The following NSMCE2 variants were observed in gnomAD, a reference collection of about 807,000 sequenced individuals.
NSMCE2 encodes the protein NSE2 SUMO ligase component of SMC5/6 complex, also known as E3 SUMO-protein ligase NSE2.
A neutral mutation model predicts 23.8 loss-of-function variants in NSMCE2; 24 were observed. That is an observed-to-expected ratio of 1.01 (90% CI 0.73 to 1.42). The LOEUF is 1.42. Ranked by LOEUF, NSMCE2 falls within the 40% of genes most tolerant of loss-of-function variation. NSMCE2 has a pLI of 0.00. For synonymous variants in NSMCE2, 92 were observed against 94.1 expected, an observed-to-expected ratio of 0.98 and a Z score of 0.13; for missense variants, 284 against 296.5, an observed-to-expected ratio of 0.96 and a Z score of 0.31.
intron 5 of NSMCE2, among the ~76,000 whole-genome samples, chr8:125,187,052 T>G (rs920457060): frequency 6.6e-6 from 1 of 152,184 alleles, no homozygotes; most frequent in African/African-American, 2.4e-5. Context: ...TTACCAAGAT[T>G]AAATGAGATA....
intron 5 of NSMCE2, among the ~76,000 whole-genome samples, chr8:125,289,503 T>TA (rs1828028433): frequency 6.6e-6 from 1 of 152,208 alleles, no homozygotes; most frequent in African/African-American, 2.4e-5. Flanking sequence ...GCAGGGTACT[T>TA]ATCAGAGGGC....
chr8:125,102,340 C>G lies in NSMCE2; in HGVS notation c.10C>G (p.Arg4Gly). The G allele has an allele frequency of 1.2e-6, 2 of 1,613,252 alleles. No homozygotes were observed. Among genetic ancestry groups the G allele is most frequent in the Non-Finnish European group, 8.5e-7 (1 of 1,179,328 alleles). Residue 4 changes from arginine to glycine, a missense_variant, in exon 3 of 8, where the codon CGT becomes GGT. Around this residue, in one of 2 missense-constraint regions of NSMCE2, gnomAD observed 182 missense variants for 155.5 expected, o/e 1.17. Transcript: ENST00000287437. The part of the protein sequence containing the change: MPG[R>G]SSSNSGSTGF... ...AGGTACTAATTTCAAGATGCCAGGA[C>G]GTTCCAGTTCAAATTCAGGTTCAAC...
At chr8:125,334,772 C>CTTTTTTTT (rs34213706) in intron 5 of NSMCE2, among the ~76,000 whole-genome samples, 3 of 55,880 alleles carry the variant, frequency 5.4e-5, no homozygotes, top group East Asian at 6.0e-4. Flanking sequence ...AGTATCTTTT[C>CTTTTTTTT]TTTTTTTTTT....
chr8:125,256,958 A>T (rs1411839384), intron 5 of NSMCE2, among the ~76,000 whole-genome samples: 1 of 128,234 alleles, frequency 7.8e-6, no homozygotes, highest in Non-Finnish European at 1.6e-5. Context: ...AAAAAAAAAA[A>T]AGAGGGCTGA....
chr8:125,155,693 G>A (rs1821270009), intron 4 of NSMCE2, among the ~76,000 whole-genome samples: 2 of 152,140 alleles, frequency 1.3e-5, no homozygotes, highest in African/African-American at 4.8e-5. Context: ...CTGATTATAT[G>A]TTTATGATTG....
intron 5 of NSMCE2, among the ~76,000 whole-genome samples, chr8:125,192,942 A>G (rs1823423873): frequency 6.6e-6 from 1 of 152,158 alleles, no homozygotes; most frequent in Admixed American, 6.5e-5. Flanking sequence ...CTTTAAGGAG[A>G]TGTTCTGAAG....
intron 4 of NSMCE2, among the ~76,000 whole-genome samples, chr8:125,178,684 C>A (rs965756960): frequency 5.9e-5 from 9 of 152,106 alleles, no homozygotes; most frequent in African/African-American, 1.9e-4. Context: ...TCCTGGCTAA[C>A]ACGGTGAAAC....
intron 4 of NSMCE2, among the ~76,000 whole-genome samples, chr8:125,168,051 T>C (rs910595310): frequency 8.5e-5 from 13 of 152,238 alleles, no homozygotes; most frequent in African/African-American, 3.1e-4. Context: ...ACCTGGCTTA[T>C]CATTTCAAAA....
intron 3 of NSMCE2, among the ~76,000 whole-genome samples, chr8:125,105,739 T>C (rs1428080306): frequency 6.6e-6 from 1 of 152,182 alleles, no homozygotes; most frequent in African/African-American, 2.4e-5. Context: ...TATAAAACTT[T>C]ATTTACAAAA....
At chr8:125,256,944 AAAAAAAAAAAAAAAAG>A in intron 5 of NSMCE2, among the ~76,000 whole-genome samples, 1 of 142,520 alleles carries the variant, frequency 7.0e-6, no homozygotes, top group African/African-American at 2.8e-5. Context: ...AAAAAAAAAA[AAAAAAAAAAAAAAAAG>A]AGGGCTGAAG....
intron 5 of NSMCE2, among the ~76,000 whole-genome samples, chr8:125,193,691 G>A (rs2130835212): frequency 6.6e-6 from 1 of 152,280 alleles, no homozygotes; most frequent in South Asian, 2.1e-4. Flanking sequence ...AAAGAGGTAA[G>A]TGTTGTAAAA....
intron 5 of NSMCE2, among the ~76,000 whole-genome samples, chr8:125,265,401 T>C (rs1826870112): frequency 6.6e-6 from 1 of 152,010 alleles, no homozygotes; most frequent in African/African-American, 2.4e-5. Context: ...TTATATTTTT[T>C]GAAGAGACAG....
At chr8:125,299,368 TG>T (rs1275478710) in intron 5 of NSMCE2, among the ~76,000 whole-genome samples, 2 of 152,182 alleles carry the variant, frequency 1.3e-5, no homozygotes, top group African/African-American at 4.8e-5. Context: ...GAAAAGAGGC[TG>T]GGGAGGCCTC....
chr8:125,346,852 T>C (rs890369203), intron 5 of NSMCE2, among the ~76,000 whole-genome samples: 1 of 152,234 alleles, frequency 6.6e-6, no homozygotes, highest in African/African-American at 2.4e-5. Context: ...AATAACATGA[T>C]GTCAGCTGAG....
chr8:125,347,194 A>G (rs1457106228), intron 5 of NSMCE2, among the ~76,000 whole-genome samples: 1 of 152,216 alleles, frequency 6.6e-6, no homozygotes, highest in East Asian at 1.9e-4. Flanking sequence ...GAAGATTGAG[A>G]CAAAGAAAGA....
At position 125,337,131 on chromosome 8, in the gene NSMCE2, T is replaced by C. The variant is rs567999977; in HGVS notation, c.419-20088T>C. Among the ~76,000 whole-genome samples the C allele has an allele frequency of 2.0e-5, 3 of 152,362 alleles. No homozygotes were observed. In the South Asian group the frequency reaches 6.2e-4, roughly 32 times the overall value. ...GGGGTTAGCCTATATTAGGTTTCTG[T>C]AGTCTTGAGGTACGGAAAGAATGGG... On this transcript the variant is annotated intron_variant, in intron 5 of 7. Transcript: ENST00000287437.
intron 5 of NSMCE2, among the ~76,000 whole-genome samples, chr8:125,306,510 C>T (rs981477432): frequency 6.6e-6 from 1 of 152,316 alleles, no homozygotes. Context: ...TGCAGCTCCA[C>T]TGTAACAGTA....
chr8:125,226,232 A>C (rs76637989), intron 5 of NSMCE2, among the ~76,000 whole-genome samples: 4,963 of 152,274 alleles, frequency 0.033, 273 homozygotes, highest in African/African-American at 0.11. Flanking sequence ...AAATATTCTC[A>C]TGGCCCAGTC....
At chr8:125,186,111 T>C (rs555255407) in intron 5 of NSMCE2, among the ~76,000 whole-genome samples, 1 of 152,232 alleles carries the variant, frequency 6.6e-6, no homozygotes, top group Non-Finnish European at 1.5e-5. Context: ...TTATGTTTTT[T>C]AACTGTTGGA....
Sources: allele counts gnomAD v4.1 joint callset (sites outside exome capture counted in the v4.1 genomes callset), GRCh38; gene constraint gnomAD v4.1.1; regional missense constraint gnomAD v4.1.1; transcripts MANE v1.5; gene names NCBI Gene and HGNC (gene_info 2026-07-23, HGNC 2026-07-21).